The following TOP6BL variants were observed in gnomAD, a reference collection of about 807,000 sequenced individuals.
TOP6BL encodes the protein TOP6B like initiator of meiotic double strand breaks.
chr11:66,761,685 C>T, the TOP6BL span: 2 of 942,632 alleles, frequency 2.1e-6, no homozygotes, highest in Admixed American at 1.9e-5. Flanking sequence ...TTGTCCACCC[C>T]TTGGTCCGCA....
At chr11:66,757,536 T>A in the TOP6BL span, among the ~76,000 whole-genome samples, 1 of 152,194 alleles carries the variant, frequency 6.6e-6, no homozygotes, top group Non-Finnish European at 1.5e-5. Flanking sequence ...GACTAGTCAT[T>A]CGCCACATGT....
At chr11:66,805,488 G>T in the TOP6BL span, among the ~76,000 whole-genome samples, 4 of 151,586 alleles carry the variant, frequency 2.6e-5, no homozygotes, top group East Asian at 7.8e-4. Flanking sequence ...TGGAGACAAG[G>T]TCTGGCTCTG....
At chr11:66,821,231 A>ATCTC in the TOP6BL span, among the ~76,000 whole-genome samples, 1 of 152,200 alleles carries the variant, frequency 6.6e-6, no homozygotes, top group African/African-American at 2.4e-5. Flanking sequence ...TTGGATTTAA[A>ATCTC]AGAAATTCAT....
the TOP6BL span, among the ~76,000 whole-genome samples, chr11:66,794,596 TAATATA>T: frequency 4.5e-4 from 68 of 152,192 alleles, 1 homozygote; most frequent in Admixed American, 1.6e-3. Context: ...TTAAATGAGA[TAATATA>T]AATAAGATAC....
the TOP6BL span, among the ~76,000 whole-genome samples, chr11:66,836,889 C>A: frequency 6.7e-6 from 1 of 150,228 alleles, no homozygotes; most frequent in East Asian, 2.0e-4. Context: ...TCAGTAGAGA[C>A]GGGGTTTCAC....
chr11:66,838,353 C>G, the TOP6BL span: 2 of 1,612,790 alleles, frequency 1.2e-6, no homozygotes, highest in Non-Finnish European at 1.7e-6. Flanking sequence ...CTTAGGACTT[C>G]TAATTTTTTT....
the TOP6BL span, among the ~76,000 whole-genome samples, chr11:66,778,707 C>A: frequency 1.3e-5 from 2 of 152,142 alleles, no homozygotes; most frequent in African/African-American, 4.8e-5. Context: ...ATTGCCAAGT[C>A]AATCTTAAGC....
chr11:66,793,737 C>T, the TOP6BL span, among the ~76,000 whole-genome samples: 1 of 152,040 alleles, frequency 6.6e-6, no homozygotes, highest in African/African-American at 2.4e-5. Context: ...TGAGCCACTG[C>T]ACCTGGCCCA....
the TOP6BL span, among the ~76,000 whole-genome samples, chr11:66,761,272 G>A: frequency 6.6e-6 from 1 of 152,082 alleles, no homozygotes; most frequent in Non-Finnish European, 1.5e-5. Flanking sequence ...TCCAGAGGCT[G>A]AGGCAGGAGA....
the TOP6BL span, among the ~76,000 whole-genome samples, chr11:66,772,347 T>G: frequency 6.6e-6 from 1 of 152,238 alleles, no homozygotes; most frequent in African/African-American, 2.4e-5. Context: ...GCTGCATGCC[T>G]ATAGTCCTAG....
At chr11:66,793,453 T>G in the TOP6BL span, among the ~76,000 whole-genome samples, 28 of 147,484 alleles carry the variant, frequency 1.9e-4, no homozygotes, top group African/African-American at 6.2e-4. Context: ...TGTTTTTTTT[T>G]TTTTTTTTTT....
chr11:66,796,910 C>T, the TOP6BL span, among the ~76,000 whole-genome samples: 7 of 148,590 alleles, frequency 4.7e-5, no homozygotes, highest in Non-Finnish European at 1.0e-4. Context: ...CTAGGCTAGT[C>T]TCTAACTCCC....
At chr11:66,823,281 C>T in the TOP6BL span, among the ~76,000 whole-genome samples, 3 of 125,794 alleles carry the variant, frequency 2.4e-5, no homozygotes, top group East Asian at 2.2e-4. Flanking sequence ...GTGACAACAG[C>T]GAGACTCCAC....
the TOP6BL span, among the ~76,000 whole-genome samples, chr11:66,830,381 A>G: frequency 1.3e-5 from 2 of 152,198 alleles, no homozygotes; most frequent in African/African-American, 4.8e-5. Flanking sequence ...CAAATTATCA[A>G]AATTTGTGAG....
At chr11:66,838,589 G>T in the TOP6BL span, 3 of 686,976 alleles carry the variant, frequency 4.4e-6, no homozygotes, top group Admixed American at 8.1e-5. Flanking sequence ...GCCACTGTGG[G>T]TCTTCAAGGC....
At chr11:66,753,041 A>C in the TOP6BL span, among the ~76,000 whole-genome samples, 2 of 151,986 alleles carry the variant, frequency 1.3e-5, no homozygotes, top group African/African-American at 2.4e-5. Flanking sequence ...AGGCAGGAGA[A>C]TTGCTTGAAC....
the TOP6BL span, among the ~76,000 whole-genome samples, chr11:66,745,890 A>G: frequency 3.8e-4 from 58 of 152,286 alleles, no homozygotes; most frequent in African/African-American, 1.2e-3. Context: ...GGCTCACCGC[A>G]GTCTCCGCCT....
the TOP6BL span, among the ~76,000 whole-genome samples, chr11:66,796,609 G>A: frequency 6.6e-6 from 1 of 151,772 alleles, no homozygotes; most frequent in Non-Finnish European, 1.5e-5. Flanking sequence ...GTGAGACTCT[G>A]TCTCTACAAA....
the TOP6BL span, among the ~76,000 whole-genome samples, chr11:66,747,746 G>A: frequency 6.6e-6 from 1 of 152,084 alleles, no homozygotes; most frequent in Non-Finnish European, 1.5e-5. Flanking sequence ...AGCCTCCCCA[G>A]TGGCTGAGAC....
Sources: gnomAD v4.1 joint callset for allele counts (sites outside exome capture counted in the v4.1 genomes callset) on GRCh38, gnomAD v4.1.1 for gene constraint, MANE v1.5 for transcripts, NCBI Gene and HGNC (gene_info 2026-07-23, HGNC 2026-07-21) for gene names.